RREB1: variants seen among roughly 807,000 people sequenced by gnomAD.
RREB1 encodes the protein ras responsive element binding protein 1.
A neutral mutation model predicts 117.8 loss-of-function variants in RREB1; 27 were observed. The ratio of observed to expected loss-of-function variants is 0.23; its 90% confidence interval spans 0.17 to 0.32. The LOEUF (loss-of-function observed/expected upper bound fraction) is 0.32, where lower values mean the gene tolerates loss of function less well. Ranked by LOEUF, RREB1 falls within the 10% of genes least tolerant of loss-of-function variation. The pLI, the probability that RREB1 is intolerant of heterozygous loss-of-function variation, is 1.00. For synonymous variants in RREB1, 1,298 were observed against 1,026.7 expected (o/e 1.26, Z -5.05); for missense variants, 2,577 against 2,378.2 (o/e 1.08, Z -1.74).
chr6:7,204,261 G>A (rs1247762225), intron 6 of RREB1, among the ~76,000 whole-genome samples: 1 of 152,052 alleles, frequency 6.6e-6, no homozygotes, highest in Non-Finnish European at 1.5e-5. Context: ...TTTACAGGTG[G>A]GGCCACACCA....
intron 8 of RREB1, among the ~76,000 whole-genome samples, chr6:7,223,747 A>G (rs1767419867): frequency 6.6e-6 from 1 of 152,156 alleles, no homozygotes; most frequent in Non-Finnish European, 1.5e-5. Context: ...TCTCAGCTAA[A>G]CAACAAACAC....
intron 1 of RREB1, among the ~76,000 whole-genome samples, chr6:7,166,930 A>G (rs1006178707): frequency 2.0e-5 from 3 of 152,164 alleles, no homozygotes; most frequent in Non-Finnish European, 2.9e-5. Context: ...ACTCTATGCA[A>G]ACTGCTACTG....
intron 1 of RREB1, among the ~76,000 whole-genome samples, chr6:7,163,632 G>C (rs919886628): frequency 6.6e-6 from 1 of 152,128 alleles, no homozygotes; most frequent in African/African-American, 2.4e-5. Context: ...CTGACCTCAT[G>C]ATCTGCCCGC....
At position 7,144,989 on chromosome 6, in the gene RREB1, G is replaced by A. The variant is rs375459748; in HGVS notation, c.-284-31666G>A. ...ATTGCGACATACAAACATAGTTAAG[G>A]GGGGAAAGTGTAATCTTTTGTGAGA... On this transcript the variant is annotated intron_variant, in intron 1 of 12. Coordinates refer to ENST00000379938, the MANE Select transcript of RREB1 (RefSeq NM_001003699.4). 5.3e-5 allele frequency among the ~76,000 whole-genome samples: 8 copies of A among 152,262 alleles called. No homozygotes were observed. In the South Asian group the frequency reaches 8.3e-4, roughly 16 times the overall value.
At chr6:7,173,256 T>A (rs1764314450) in intron 1 of RREB1, among the ~76,000 whole-genome samples, 1 of 152,066 alleles carries the variant, frequency 6.6e-6, no homozygotes, top group Non-Finnish European at 1.5e-5. Flanking sequence ...GAGTTTAGAT[T>A]TCACTTCAAG....
Position 7,231,884 on chromosome 6 carries a change from A to T in RREB1, c.3785A>T (p.Gln1262Leu), listed in dbSNP as rs1338312116. 6.2e-7 allele frequency: 1 copy of T among 1,609,120 alleles called. No individual in the cohort carries two copies. Among genetic ancestry groups the T allele is most frequent in the South Asian group, 1.1e-5 (1 of 90,460 alleles). The change falls in exon 10 of 13, where the codon CAG (glutamine) becomes CTG (leucine). Residue 1262 changes from glutamine to leucine, a missense_variant. Physicochemically the swap from Gln to Leu is moderately radical, Grantham distance 113. Transcript: ENST00000379938. ...GTTTTCCCTTGGGCCAGCTCCCTAC[A>T]GAGGCACATGCTCACACACACTGGT... ...PRVFPWASSL[Q>L]RHMLTHTGQK...
intron 11 of RREB1, among the ~76,000 whole-genome samples, chr6:7,245,158 G>A (rs547924466): frequency 6.6e-6 from 1 of 152,250 alleles, no homozygotes; most frequent in Admixed American, 6.5e-5. Flanking sequence ...CACTTTGGGA[G>A]GCTGAGGTGG....
At chr6:7,129,809 T>A (rs1762078215) in intron 1 of RREB1, among the ~76,000 whole-genome samples, 1 of 152,218 alleles carries the variant, frequency 6.6e-6, no homozygotes, top group Non-Finnish European at 1.5e-5. Flanking sequence ...AGGTTTTGGT[T>A]CATGTCCCTT....
chr6:7,244,933 G>A (rs1361429872), intron 11 of RREB1, among the ~76,000 whole-genome samples: 1 of 152,192 alleles, frequency 6.6e-6, no homozygotes, highest in African/African-American at 2.4e-5. Context: ...TGACATTGTA[G>A]TTACACCTGA....
At chr6:7,228,543 G>T (rs1767724479) in intron 9 of RREB1, among the ~76,000 whole-genome samples, 2 of 116,264 alleles carry the variant, frequency 1.7e-5, no homozygotes, top group Non-Finnish European at 1.7e-5. Context: ...TTGTTCTGTT[G>T]CCCAGGCTAA....
chr6:7,211,341 T>TGGATGGATGGAC (rs1561783275), intron 7 of RREB1, among the ~76,000 whole-genome samples: 1 of 135,466 alleles, frequency 7.4e-6, no homozygotes. Flanking sequence ...GATGGACAGA[T>TGGATGGATGGAC]GGATGGATGG....
intron 1 of RREB1, among the ~76,000 whole-genome samples, chr6:7,170,660 G>A (rs1387846732): frequency 6.6e-6 from 1 of 152,202 alleles, no homozygotes; most frequent in African/African-American, 2.4e-5. Flanking sequence ...TTGTTCCTGA[G>A]GAAGCCCTGC....
rs1390472981 is a variant in RREB1, at chr6:7,249,099, GAGAGAC to G, written c.*133_*138del. On this transcript the variant is annotated 3_prime_UTR_variant, in exon 13 of 13. Coordinates refer to ENST00000379938, the MANE Select transcript of RREB1 (RefSeq NM_001003699.4). Reference sequence around the variant, plus strand: ...AGAGAGAGAGAGAGAGAGAGAGAGAGAGAGACAAGCAGGAGCGTGGCTGCTCGCTCA... The same window carrying G: ...AGAGAGAGAGAGAGAGAGAGAGAGAGAAGCAGGAGCGTGGCTGCTCGCTCA... 19 of 587,804 alleles carry G rather than the reference GAGAGAC, an allele frequency of 3.2e-5. No homozygotes were observed. The highest frequency in any genetic ancestry group is 1.3e-4 in the African/African-American group (6 of 46,256). The allele number at this position is 587,804 out of a possible 1,614,324, so 36.4% of individuals were successfully genotyped here. A position where few individuals can be genotyped will look rare whatever the true frequency, so the allele number is the denominator to read the frequency against.
chr6:7,147,854 GA>G (rs78572202), intron 1 of RREB1, among the ~76,000 whole-genome samples: 1,517 of 138,540 alleles, frequency 0.011, 18 homozygotes, highest in African/African-American at 0.025. Flanking sequence ...GTGAGTTCAG[GA>G]AAAAAAAAAA....
intron 1 of RREB1, among the ~76,000 whole-genome samples, chr6:7,168,975 C>CAT (rs994957248): frequency 2.2e-4 from 34 of 152,306 alleles, no homozygotes; most frequent in African/African-American, 7.5e-4. Context: ...ATATTTCTAG[C>CAT]ATAGAGTTTA....
intron 1 of RREB1, among the ~76,000 whole-genome samples, chr6:7,165,642 G>A (rs1226834014): frequency 1.3e-5 from 2 of 152,218 alleles, no homozygotes; most frequent in African/African-American, 4.8e-5. Context: ...CTGTTAAGGT[G>A]TGTCTGACCC....
intron 1 of RREB1, chr6:7,139,402 T>G (rs2113378650): frequency 6.6e-6 from 1 of 152,356 alleles, no homozygotes; most frequent in South Asian, 2.1e-4. Context: ...CAGTAGGTTC[T>G]GATGTTTAAC....
chr6:7,249,093 G>GAGAGAC lies in RREB1; in HGVS notation c.*130_*131insCAGAGA, dbSNP rs1554129701. ...AGAGAGAGAGAGAGAGAGAGAGAGA[G>GAGAGAC]AGAGAGAGAGACAAGCAGGAGCGTG... is the stretch of plus-strand genomic sequence containing the variant. On this transcript the variant is annotated 3_prime_UTR_variant, in exon 13 of 13. Transcript: ENST00000379938. 1.3e-6 allele frequency: 1 copy of GAGAGAC among 758,714 alleles called. No individual in the cohort carries two copies. The highest frequency in any genetic ancestry group is 2.0e-6 in the Non-Finnish European group (1 of 498,020). The allele number at this position is 758,714 out of a possible 1,614,324, so 47.0% of individuals were successfully genotyped here.
chr6:7,153,601 GT>G (rs1763229111), intron 1 of RREB1, among the ~76,000 whole-genome samples: 1 of 152,206 alleles, frequency 6.6e-6, no homozygotes, highest in African/African-American at 2.4e-5. Context: ...CAGTTCATCT[GT>G]TTTGGTGAAT....
Sources: allele counts gnomAD v4.1 joint callset (sites outside exome capture counted in the v4.1 genomes callset), GRCh38; gene constraint gnomAD v4.1.1; transcripts MANE v1.5; gene names NCBI Gene and HGNC (gene_info 2026-07-23, HGNC 2026-07-21).